Variants in AUTS2 observed in about 807,000 individuals in gnomAD.
The protein encoded by AUTS2 is activator of transcription and developmental regulator AUTS2.
AUTS2 carries 17 observed loss-of-function variants against 112.4 expected under a neutral mutation model. That is an observed-to-expected ratio of 0.15 (90% CI 0.10 to 0.23). The LOEUF (loss-of-function observed/expected upper bound fraction) is 0.23, where lower values mean the gene tolerates loss of function less well. AUTS2 is among the 10% of genes least tolerant of loss of function. The pLI is 1.00. For synonymous variants in AUTS2, 751 were observed against 702.7 expected, an observed-to-expected ratio of 1.07 and a Z score of -1.09; for missense variants, 1,510 against 1,701.6, an observed-to-expected ratio of 0.89 and a Z score of 1.98.
rs183666705 is a variant in AUTS2, at chr7:69,649,231, C to A, written c.309+49269C>A. 2.0e-5 allele frequency among the ~76,000 whole-genome samples: 3 copies of A among 152,298 alleles called. No individual in the cohort carries two copies. In the East Asian group the frequency reaches 5.8e-4, roughly 29 times the overall value. On this transcript the variant is annotated intron_variant, in intron 1 of 18. Coordinates refer to ENST00000342771, the MANE Select transcript of AUTS2 (RefSeq NM_015570.4). ...TTCCTGAGTAAGCTGGAAACCCTAA[C>A]AACAGCCAAAACAAAACAAAAACGG...
intron 2 of AUTS2, among the ~76,000 whole-genome samples, chr7:70,065,801 T>TCTCAGGG (rs1802462724): frequency 6.6e-6 from 1 of 152,134 alleles, no homozygotes; most frequent in African/African-American, 2.4e-5. Context: ...AAATTCTTGG[T>TCTCAGGG]CTCAGGGAAT....
chr7:69,941,146 A>C (rs935682596), intron 2 of AUTS2, among the ~76,000 whole-genome samples: 8 of 152,298 alleles, frequency 5.3e-5, no homozygotes, highest in African/African-American at 1.7e-4. Flanking sequence ...TTCATAATTG[A>C]GGTCGACCCT....
chr7:70,698,628 C>G lies in AUTS2; in HGVS notation c.742+8C>G. The stretch of plus-strand genomic sequence containing the variant: ...CTGTTATTGTAAACAAAGGTAAGAC[C>G]CATTCATTCTCCTGAGTAATGGCTT... On this transcript the variant is annotated splice_region_variant and intron_variant, in intron 6 of 18. Transcript: ENST00000342771. The G allele has an allele frequency of 6.3e-7, 1 of 1,597,622 alleles. No homozygotes were observed. The highest frequency in any genetic ancestry group is 8.5e-7 in the Non-Finnish European group (1 of 1,171,088).
chr7:69,749,621 G>T (rs1349816396), intron 1 of AUTS2, among the ~76,000 whole-genome samples: 2 of 152,198 alleles, frequency 1.3e-5, no homozygotes, highest in Non-Finnish European at 2.9e-5. Flanking sequence ...TGCAGCCAGT[G>T]CAAGGGCTCA....
chr7:69,666,708 C>T (rs1013315069), intron 1 of AUTS2, among the ~76,000 whole-genome samples: 3 of 152,018 alleles, frequency 2.0e-5, no homozygotes, highest in African/African-American at 7.2e-5. Flanking sequence ...TCCAGACCAG[C>T]CTAGGCAACA....
At position 70,790,879 on chromosome 7, in the gene AUTS2, C is replaced by T. The variant is rs750342806; in HGVS notation, c.3663C>T (p.Pro1221=). Residue 1221 remains proline (P), a synonymous_variant, in exon 19 of 19, where the codon CCC becomes CCT. Coordinates refer to ENST00000342771, the MANE Select transcript of AUTS2 (RefSeq NM_015570.4). The surrounding 1 kb of genome is among the most constrained non-coding windows in gnomAD (Gnocchi z 7.6). The part of the protein sequence containing the change: ...TPPTAALSAP[P]PLISTLGGRP... ...CGACAGCAGCGCTGAGCGCACCTCC[C>T]CCGCTCATCTCCACGCTGGGGGGCC... 1.2e-6 allele frequency: 2 copies of T among 1,603,008 alleles called. No individual in the cohort carries two copies. Among genetic ancestry groups the T allele is most frequent in the African/African-American group, 1.3e-5 (1 of 74,894 alleles).
intron 1 of AUTS2, among the ~76,000 whole-genome samples, chr7:69,850,588 A>G (rs941825988): frequency 1.3e-5 from 2 of 151,810 alleles, no homozygotes; most frequent in Admixed American, 6.6e-5. Context: ...ATTAATTTGG[A>G]TTTCCCTAAT....
At chr7:69,694,649 T>C (rs1316691924) in intron 1 of AUTS2, among the ~76,000 whole-genome samples, 2 of 152,194 alleles carry the variant, frequency 1.3e-5, no homozygotes, top group African/African-American at 4.8e-5. Context: ...AATTAAACTC[T>C]GTGGGTTTTC....
chr7:70,492,705 G>GC (rs1798299245), intron 5 of AUTS2, among the ~76,000 whole-genome samples: 1 of 152,168 alleles, frequency 6.6e-6, no homozygotes, highest in Non-Finnish European at 1.5e-5. Context: ...TGTATAGAGA[G>GC]TCACTGTGAA....
chr7:69,707,409 T>C (rs563099455), intron 1 of AUTS2, among the ~76,000 whole-genome samples: 2 of 152,360 alleles, frequency 1.3e-5, no homozygotes, highest in South Asian at 4.1e-4. Context: ...CAGAGTATGC[T>C]GCTAATAAAG....
At chr7:70,781,279 T>A (rs1791050588) in intron 14 of AUTS2, among the ~76,000 whole-genome samples, 1 of 149,176 alleles carries the variant, frequency 6.7e-6, no homozygotes, top group East Asian at 2.0e-4. Context: ...GAGAAGCATT[T>A]GAACCCAGGA....
intron 2 of AUTS2, among the ~76,000 whole-genome samples, chr7:70,069,227 A>T (rs1008747670): frequency 1.3e-5 from 2 of 152,148 alleles, no homozygotes; most frequent in African/African-American, 4.8e-5. Flanking sequence ...AAGTGGATAG[A>T]GCTAGTAGGC....
chr7:70,115,060 T>C (rs1030186021), intron 2 of AUTS2, among the ~76,000 whole-genome samples: 1 of 152,200 alleles, frequency 6.6e-6, no homozygotes, highest in East Asian at 1.9e-4. Flanking sequence ...GGCAGGGCAC[T>C]GGGAAGGCTA....
At position 70,764,924 on chromosome 7, in the gene AUTS2, C is replaced by T. The variant is rs375248939; in HGVS notation, c.1387C>T (p.Pro463Ser). 4 of 1,611,910 alleles carry T rather than the reference C, an allele frequency of 2.5e-6. No homozygotes were observed. The highest frequency in any genetic ancestry group is 3.4e-6 in the Non-Finnish European group (4 of 1,179,474). ...ACATCACCCCAATATGTTTGCCCCT[C>T]CCACTGCTCTGCCTCCTCCACCACC... ...HSHHPNMFAP[P>S]TALPPPPPLT... Residue 463 changes from proline to serine, a missense_variant, in exon 8 of 19, where the codon CCC becomes TCC. Physicochemically the swap from Pro to Ser is moderately conservative, Grantham distance 74. Coordinates refer to ENST00000342771, the MANE Select transcript of AUTS2 (RefSeq NM_015570.4).
chr7:70,235,435 A>G (rs184545942), intron 4 of AUTS2, among the ~76,000 whole-genome samples: 16 of 152,074 alleles, frequency 1.1e-4, no homozygotes, highest in Non-Finnish European at 2.2e-4. Context: ...ACCCCACCCA[A>G]CCTAAAGTTG....
chr7:70,022,657 A>G (rs990556356), intron 2 of AUTS2, among the ~76,000 whole-genome samples: 2 of 151,878 alleles, frequency 1.3e-5, no homozygotes, highest in Middle Eastern at 3.2e-3. Flanking sequence ...TGATTCACTA[A>G]AGGACATCAT....
chr7:69,881,791 G>A (rs549352172), intron 1 of AUTS2, among the ~76,000 whole-genome samples: 2 of 152,108 alleles, frequency 1.3e-5, no homozygotes, highest in African/African-American at 2.4e-5. Context: ...AGAAATGCTG[G>A]AACTTTATAT....
chr7:69,729,240 G>A (rs1196682897), intron 1 of AUTS2, among the ~76,000 whole-genome samples: 4 of 152,138 alleles, frequency 2.6e-5, no homozygotes, highest in African/African-American at 9.6e-5. Flanking sequence ...AGAGGAAGAA[G>A]GTAGGCAGAG....
intron 4 of AUTS2, among the ~76,000 whole-genome samples, chr7:70,240,168 G>T (rs1812537796): frequency 6.6e-6 from 1 of 152,162 alleles, no homozygotes; most frequent in Non-Finnish European, 1.5e-5. Context: ...CAGGTGGTAG[G>T]CTATAGAAGG....
Sources: gnomAD v4.1 joint callset for allele counts (sites outside exome capture counted in the v4.1 genomes callset) on GRCh38, gnomAD v4.1.1 for gene constraint, Gnocchi (gnomAD v3.1) non-coding constraint, MANE v1.5 for transcripts, NCBI Gene and HGNC (gene_info 2026-07-23, HGNC 2026-07-21) for gene names.